The following KCTD15 variants were observed in gnomAD, a reference collection of about 807,000 sequenced individuals.
The protein encoded by KCTD15 is BTB/POZ domain-containing protein KCTD15.
KCTD15 carries 11 observed loss-of-function variants against 27.2 expected under a neutral mutation model. The ratio of observed to expected loss-of-function variants is 0.41; its 90% CI spans 0.25 to 0.67. The LOEUF (loss-of-function observed/expected upper bound fraction) is 0.67, where lower values mean the gene tolerates loss of function less well. Among genes scored for constraint, KCTD15 ranks in the 30% least tolerant of loss-of-function variants. KCTD15 has a pLI of 0.35. For missense variants in KCTD15, 350 were observed against 409.3 expected, an observed-to-expected ratio of 0.86 and a Z score of 1.25; for synonymous variants, 163 against 176.0, an observed-to-expected ratio of 0.93 and a Z score of 0.58.
chr19:33,811,318 G>A lies in KCTD15; in HGVS notation c.459G>A (p.Trp153Ter). ...LQPMVRELERWQQEQEQRRRS... is the reference protein window; with the variant it reads ...LQPMVRELER ...CCATGGTGCGCGAGCTGGAGCGCTG[G>A]CAGCAGGAGCAGGAGCAGCGGCGCC... The change falls in exon 6 of 7, where the codon TGG (tryptophan) becomes TGA (stop). Residue 153 changes from tryptophan to a stop codon, truncating the protein, a stop_gained. Coordinates refer to ENST00000683859, the MANE Select transcript of KCTD15 (RefSeq NM_001129994.2). LOFTEE classifies it high-confidence loss of function. 6.4e-7 allele frequency: 1 copy of A among 1,552,018 alleles called. No individual in the cohort carries two copies. Among genetic ancestry groups the A allele is most frequent in the Non-Finnish European group, 8.7e-7 (1 of 1,147,900 alleles).
Position 33,811,256 on chromosome 19 carries a change from C to G in KCTD15, c.397C>G (p.Leu133Val), listed in dbSNP as rs1163306228. The G allele has an allele frequency of 7.1e-7, 1 of 1,415,202 alleles. No individual in the cohort carries two copies. The highest frequency in any genetic ancestry group is 9.4e-7 in the Non-Finnish European group (1 of 1,069,338). 87.7% of individuals were successfully genotyped at this position (1,415,202 alleles called of 1,614,324 possible). Residue 133 changes from leucine to valine, a missense_variant, in exon 6 of 7, where the codon CTG becomes GTG. By Grantham distance (32) the Leu-to-Val change is conservative. Transcript: ENST00000683859. ...LLPDDFKDFS[L>V]LYEEARYYQL... The stretch of plus-strand genomic sequence containing the variant: ...GTGCGCCTGTCCCCAGGACTTCAGT[C>G]TGCTGTACGAGGAGGCGCGCTACTA...
At chr19:33,811,909 G>A in intron 6 of KCTD15, 3 of 1,566,552 alleles carry the variant, frequency 1.9e-6, no homozygotes, top group Non-Finnish European at 2.6e-6. Flanking sequence ...CAGAGGCTGA[G>A]TGGAAAGGTG....
chr19:33,801,274 G>A lies in KCTD15; in HGVS notation c.174G>A (p.Val58=). The A allele has an allele frequency of 5.6e-6, 9 of 1,613,654 alleles. No individual in the cohort carries two copies. Among genetic ancestry groups the A allele is most frequent in the Non-Finnish European group, 7.6e-6 (9 of 1,179,848 alleles). The change falls in exon 4 of 7, where the codon GTG becomes GTA. Residue 58 remains valine, a synonymous_variant. Transcript: ENST00000683859. ...PAQLTKSNAP[V]HIDVGGHMYT... Reference sequence around the variant, plus strand: ...AGCTCACCAAGTCCAATGCACCTGTGCACATCGATGTGGGCGGCCACATGT... The same window carrying A: ...AGCTCACCAAGTCCAATGCACCTGTACACATCGATGTGGGCGGCCACATGT...
rs755274901 is a variant in KCTD15 at position 33,814,704 on chromosome 19, C to T, written c.*1756C>T. 21 of 152,196 alleles carry T rather than the reference C, an allele frequency of 1.4e-4. No individual in the cohort carries two copies. Among genetic ancestry groups the T allele is most frequent in the African/African-American group, 1.9e-4 (8 of 41,438 alleles). 9.4% of individuals were successfully genotyped at this position (152,196 alleles called of 1,614,324 possible). A position where few individuals can be genotyped will look rare whatever the true frequency, so the allele number is the denominator to read the frequency against. On this transcript the variant is annotated 3_prime_UTR_variant, in exon 7 of 7. Coordinates refer to ENST00000683859, the MANE Select transcript of KCTD15 (RefSeq NM_001129994.2). ...ACCTGCAGTTCACCTAAGCACAGAA[C>T]GAGATCTCAGTATGCCTCCATGTAA...
intron 4 of KCTD15, among the ~76,000 whole-genome samples, chr19:33,803,598 C>T (rs981132439): frequency 4.6e-5 from 7 of 152,006 alleles, no homozygotes; most frequent in African/African-American, 1.7e-4. Flanking sequence ...GGTGACTCCT[C>T]TGGTCTGCCT....
chr19:33,807,242 T>C (rs1975741560), intron 5 of KCTD15, among the ~76,000 whole-genome samples: 1 of 152,248 alleles, frequency 6.6e-6, no homozygotes, highest in Non-Finnish European at 1.5e-5. Context: ...TGAACATTTG[T>C]CGTGTTTAAG....
intron 4 of KCTD15, 38 bp downstream of exon 4, chr19:33,801,380 G>A (rs764086482): frequency 4.5e-6 from 7 of 1,552,556 alleles, no homozygotes; most frequent in Admixed American, 1.8e-5. Flanking sequence ...GCATGTGTGG[G>A]TCAGGGCAGC....
intron 5 of KCTD15, among the ~76,000 whole-genome samples, chr19:33,810,709 C>A (rs1390305067): frequency 3.3e-5 from 5 of 149,604 alleles, no homozygotes; most frequent in East Asian, 4.0e-4. Flanking sequence ...GAAAAAAAAA[C>A]CAAGAGGCTC....
rs772635711 is a variant in KCTD15 at position 33,801,169 on chromosome 19, G to C, written c.69G>C (p.Glu23Asp). The change falls in exon 4 of 7, where the codon GAG (glutamate) becomes GAC (aspartate). Residue 23 changes from glutamate (E) to aspartate (D), a missense_variant and splice_region_variant. By Grantham distance (45) the Glu-to-Asp change is conservative. This residue lies in a region of KCTD15 where 77 missense variants were observed against 72.7 expected (regional missense o/e 1.06). Coordinates refer to ENST00000683859, the MANE Select transcript of KCTD15 (RefSeq NM_001129994.2). ...TTCCGCTTTGTTTCCATCTCTAGGA[G>C]GGAGGAAACATGTCCCGGCTGTCTC... Reference protein sequence around the residue: ...LHTHGSTGTAEGGNMSRLSLT... With the variant: ...LHTHGSTGTADGGNMSRLSLT... 1.9e-6 allele frequency: 3 copies of C among 1,599,004 alleles called. No individual in the cohort carries two copies. The Admixed American group carries it at 5.2e-5, about 28-fold the overall frequency.
chr19:33,797,677 C>G (rs1285183251), intron 1 of KCTD15, among the ~76,000 whole-genome samples: 1 of 148,550 alleles, frequency 6.7e-6, no homozygotes, highest in Non-Finnish European at 1.5e-5. Flanking sequence ...GGGGGCGGAC[C>G]CCCGCCTCTG....
At chr19:33,806,058 C>T (rs886905336) in intron 4 of KCTD15, among the ~76,000 whole-genome samples, 5 of 152,234 alleles carry the variant, frequency 3.3e-5, no homozygotes, top group African/African-American at 1.2e-4. Context: ...CATGTGTGCA[C>T]ATATGTATGC....
chr19:33,809,559 A>C (rs944552943), intron 5 of KCTD15, among the ~76,000 whole-genome samples: 1 of 152,010 alleles, frequency 6.6e-6, no homozygotes, highest in Non-Finnish European at 1.5e-5. Flanking sequence ...GTTGTCTGTC[A>C]TGCAGTTGTC....
chr19:33,814,818 C>G lies in KCTD15; in HGVS notation c.*1870C>G, dbSNP rs985914439. The G allele has an allele frequency of 1.3e-5, 2 of 152,258 alleles. No homozygotes were observed. Among genetic ancestry groups the G allele is most frequent in the African/African-American group, 2.4e-5 (1 of 41,456 alleles). 9.4% of individuals were successfully genotyped at this position (152,258 alleles called of 1,614,324 possible). On this transcript the variant is annotated 3_prime_UTR_variant, in exon 7 of 7. Transcript: ENST00000683859. ...TTCTAACCCATGAGAACCATTTTACCTGCCCTCTAAGGGCCACCAGCTTCG... is the reference window on the plus strand; with the variant it reads ...TTCTAACCCATGAGAACCATTTTACGTGCCCTCTAAGGGCCACCAGCTTCG...
intron 1 of KCTD15, chr19:33,798,465 G>A (rs1975427176): frequency 2.0e-5 from 3 of 152,026 alleles, no homozygotes; most frequent in African/African-American, 7.2e-5. Context: ...GGCGGGCAGG[G>A]ACCCGGGTCT....
Position 33,813,227 on chromosome 19 carries a change from C to T in KCTD15, c.*279C>T. ...TCAGCTTCGCAGCCTGGCGCAGCAT[C>T]CTCTGAGGCCCCGGGGCCTGTTGGG... On this transcript the variant is annotated 3_prime_UTR_variant, in exon 7 of 7. Coordinates refer to ENST00000683859, the MANE Select transcript of KCTD15 (RefSeq NM_001129994.2). The T allele has an allele frequency of 1.6e-6, 1 of 636,390 alleles. No individual in the cohort carries two copies. The highest frequency in any genetic ancestry group is 1.6e-5 in the South Asian group (1 of 63,482). The allele number at this position is 636,390 out of a possible 1,614,324, so 39.4% of individuals were successfully genotyped here. A position where few individuals can be genotyped will look rare whatever the true frequency, so the allele number is the denominator to read the frequency against.
intron 4 of KCTD15, among the ~76,000 whole-genome samples, chr19:33,801,903 T>G (rs983994454): frequency 1.3e-5 from 2 of 152,162 alleles, no homozygotes; most frequent in South Asian, 2.1e-4. Flanking sequence ...AGGCTTCCCT[T>G]GGAGCTGGTG....
Position 33,812,832 on chromosome 19 carries a change from T to C in KCTD15, c.736T>C (p.Ser246Pro). Reference sequence around the variant, plus strand: ...CCAGAGGGGTTTCAGCGTGGCTGCGTCCTGTGGGGGCGGTGTGGACTCCTC... The same window carrying C: ...CCAGAGGGGTTTCAGCGTGGCTGCGCCCTGTGGGGGCGGTGTGGACTCCTC... Reference protein sequence around the residue: ...LFQRGFSVAASCGGGVDSSQF... With the variant: ...LFQRGFSVAAPCGGGVDSSQF... The change falls in exon 7 of 7, where the codon TCC becomes CCC. Residue 246 changes from serine to proline, a missense_variant. Ser to Pro is a moderately conservative substitution (Grantham distance 74, BLOSUM62 -1). Coordinates refer to ENST00000683859, the MANE Select transcript of KCTD15 (RefSeq NM_001129994.2). 3 of 1,523,744 alleles carry C rather than the reference T, an allele frequency of 2.0e-6. No homozygotes were observed. The highest frequency in any genetic ancestry group is 2.6e-6 in the Non-Finnish European group (3 of 1,133,130). 94.4% of individuals were successfully genotyped at this position (1,523,744 alleles called of 1,614,324 possible). A position where few individuals can be genotyped will look rare whatever the true frequency, so the allele number is the denominator to read the frequency against.
chr19:33,797,934 G>A (rs1230762630), intron 1 of KCTD15, among the ~76,000 whole-genome samples: 1 of 152,116 alleles, frequency 6.6e-6, no homozygotes, highest in Admixed American at 6.5e-5. Context: ...ATTTAACTTT[G>A]TCCCCGCCCC....
upstream of KCTD15, chr19:33,796,844 T>A (rs996676814): frequency 1.0e-5 from 1 of 100,268 alleles, no homozygotes; most frequent in Non-Finnish European, 2.1e-5. Context: ...GGGGGGAGGG[T>A]TGGGGGCGAG....
Sources: allele counts gnomAD v4.1 joint callset (sites outside exome capture counted in the v4.1 genomes callset), GRCh38; gene constraint gnomAD v4.1.1; regional missense constraint gnomAD v4.1.1; transcripts MANE v1.5; gene names NCBI Gene and HGNC (gene_info 2026-07-23, HGNC 2026-07-21).